The following MYH14 variants were observed in gnomAD, a reference collection of about 807,000 sequenced individuals.
The protein encoded by MYH14 is myosin heavy chain 14, also known as myosin-14.
In MYH14, 123 loss-of-function variants were observed where a neutral mutation model predicts 255.5. That is an observed-to-expected ratio of 0.48 (90% CI 0.42 to 0.56). The LOEUF is 0.56. Among genes scored for constraint, MYH14 ranks in the 20% least tolerant of loss-of-function variants. The probability of loss-of-function intolerance (pLI) is 0.00; values close to 1 mark genes in which losing one functional copy is unlikely to be tolerated. For synonymous variants in MYH14, 1,095 were observed against 1,161.2 expected (o/e 0.94, Z 1.16); for missense variants, 2,423 against 2,802.3 (o/e 0.86, Z 3.06).
At chr19:50,224,971 TG>T in intron 6 of MYH14, 1 of 396,566 alleles carries the variant, frequency 2.5e-6, no homozygotes, top group South Asian at 1.8e-5. Flanking sequence ...CTGGGCATGG[TG>T]GTGCTTGCCT....
At chr19:50,274,530 G>A (rs1251638296) in intron 27 of MYH14, among the ~76,000 whole-genome samples, 3 of 152,134 alleles carry the variant, frequency 2.0e-5, no homozygotes, top group African/African-American at 7.2e-5. Context: ...CCTGACCTCA[G>A]GTGATCCACC....
At chr19:50,285,342 C>T (rs1461343139) in intron 33 of MYH14, 1 of 152,228 alleles carries the variant, frequency 6.6e-6, no homozygotes, top group Non-Finnish European at 1.5e-5. Context: ...TTTGGAAGAA[C>T]TGACATCATA....
In MYH14 at chr19:50,210,375, G is replaced by A. The variant is rs532458856; in HGVS notation, c.10G>A (p.Val4Met). Residue 4 changes from valine (V) to methionine (M), a missense_variant, in exon 2 of 43, where the codon GTG becomes ATG. By Grantham distance (21) the Val-to-Met change is conservative. Transcript: ENST00000642316. MAA[V>M]TMSVPGRKAP... ...TTTGCCCCTGCAGACCATGGCAGCC[G>A]TGACCATGTCGGTGCCCGGGCGGAA... 67 of 1,587,804 alleles carry A rather than the reference G, an allele frequency of 4.2e-5. No homozygotes were observed. The South Asian group carries it at 5.6e-4, about 13-fold the overall frequency.
intron 15 of MYH14, among the ~76,000 whole-genome samples, chr19:50,251,571 T>C (rs112442711): frequency 2.0e-3 from 273 of 137,708 alleles, no homozygotes; most frequent in African/African-American, 4.3e-3. Flanking sequence ...CACACACACA[T>C]ATATATATGT....
intron 1 of MYH14, among the ~76,000 whole-genome samples, chr19:50,207,655 C>T (rs543521684): frequency 6.6e-6 from 1 of 152,278 alleles, no homozygotes; most frequent in East Asian, 1.9e-4. Context: ...GAGTCAGGTT[C>T]CAGAGAAGGA....
At chr19:50,260,822 A>ATT in intron 20 of MYH14, 107 bp downstream of exon 20, 1 of 746,372 alleles carries the variant, frequency 1.3e-6, no homozygotes, top group Non-Finnish European at 2.3e-6. Flanking sequence ...TGTGTGTGCA[A>ATT]GTGTGTGTGC....
At position 50,252,727 on chromosome 19, in the gene MYH14, G is replaced by A. The variant is rs199696801; in HGVS notation, c.1919G>A (p.Arg640Gln). 821 of 1,595,566 alleles carry A rather than the reference G, an allele frequency of 5.1e-4. No individual in the cohort carries two copies. The highest frequency in any genetic ancestry group is 1.2e-3 in the Middle Eastern group (7 of 6,048). The stretch of plus-strand genomic sequence containing the variant: ...GCCTTGCTCCACCAGAGCACAGACC[G>A]GCTGACGGCAGAGATCTGGAAAGAC... ...VAALLHQSTDRLTAEIWKDEH... is the reference protein window; with the variant it reads ...VAALLHQSTDQLTAEIWKDEH... The change falls in exon 16 of 43, where the codon CGG becomes CAG. Residue 640 changes from arginine to glutamine, a missense_variant. Around this residue, in one of 3 missense-constraint regions of MYH14, gnomAD observed 672 missense variants for 881.8 expected, o/e 0.76. Transcript: ENST00000642316. This position sits in a 1 kb window ranked among gnomAD's most constrained non-coding sequence, Gnocchi z 4.2.
At chr19:50,286,414 T>TCCCGTTCC in intron 33 of MYH14, 68 bp from the exon 34 acceptor site, 3 of 1,435,612 alleles carry the variant, frequency 2.1e-6, no homozygotes, top group Non-Finnish European at 2.8e-6. Flanking sequence ...TGCTCCCTCT[T>TCCCGTTCC]CCCGTTCCCT....
In MYH14 at chr19:50,211,780, G is replaced by A. The variant is rs574946877; in HGVS notation, c.405+1010G>A. Among the ~76,000 whole-genome samples the A allele has an allele frequency of 2.2e-4, 33 of 151,538 alleles. No homozygotes were observed. In the East Asian group the frequency reaches 5.8e-3, roughly 27 times the overall value. ...GTGGATTGCTTGAGCCCAGGAGTTCGGGACCATCCTGGGCATGGCAAAACC... is the reference window on the plus strand; with the variant it reads ...GTGGATTGCTTGAGCCCAGGAGTTCAGGACCATCCTGGGCATGGCAAAACC... On this transcript the variant is annotated intron_variant, in intron 2 of 42. Transcript: ENST00000642316.
rs140081739 is a variant in MYH14 at position 50,280,989 on chromosome 19, T to C, written c.4291-605T>C. On this transcript the variant is annotated intron_variant, in intron 32 of 42. Coordinates refer to ENST00000642316, the MANE Select transcript of MYH14 (RefSeq NM_001145809.2). This position sits in a 1 kb window ranked among gnomAD's most constrained non-coding sequence, Gnocchi z 4.8. The stretch of plus-strand genomic sequence containing the variant: ...TGTCCCAACTCCAGTCACCTTGGGC[T>C]GGGACTGTCTCTGCCCATGAGTCTC... Among the ~76,000 whole-genome samples the C allele has an allele frequency of 6.6e-4, 101 of 152,318 alleles. No homozygotes were observed. In the East Asian group the frequency reaches 6.8e-3, roughly 10 times the overall value.
chr19:50,276,863 C>G lies in MYH14; in HGVS notation c.3787C>G (p.Leu1263Val). ...GCTGAGGCAGCGCCACGGCCAGGCC[C>G]TGGGGGAGCTGGCGGAGCAGCTGGA... Reference protein sequence around the residue: ...QELRQRHGQALGELAEQLEQA... With the variant: ...QELRQRHGQAVGELAEQLEQA... Residue 1263 changes from leucine to valine, a missense_variant, in exon 29 of 43, where the codon CTG becomes GTG. Leu to Val is a conservative substitution (Grantham distance 32). This residue lies in a region of MYH14 where 1,513 missense variants were observed against 1,674.8 expected (regional missense o/e 0.90). Transcript: ENST00000642316. The surrounding 1 kb of genome is among the most constrained non-coding windows in gnomAD (Gnocchi z 4.3). The G allele has an allele frequency of 6.8e-7, 1 of 1,464,156 alleles. No individual in the cohort carries two copies. Among genetic ancestry groups the G allele is most frequent in the Non-Finnish European group, 9.2e-7 (1 of 1,092,800 alleles). 90.7% of individuals were successfully genotyped at this position (1,464,156 alleles called of 1,614,324 possible). A position where few individuals can be genotyped will look rare whatever the true frequency, so the allele number is the denominator to read the frequency against.
intron 37 of MYH14, among the ~76,000 whole-genome samples, chr19:50,292,832 G>A (rs796778151): frequency 4.6e-5 from 7 of 151,952 alleles, no homozygotes; most frequent in African/African-American, 1.7e-4. Flanking sequence ...AGAACCCTGA[G>A]CCAGGGCCAA....
At chr19:50,298,399 C>T (rs201479826) in intron 39 of MYH14, among the ~76,000 whole-genome samples, 2 of 74,598 alleles carry the variant, frequency 2.7e-5, no homozygotes, top group Non-Finnish European at 3.4e-5. Flanking sequence ...AACACACACA[C>T]ATACACACAC....
rs921406950 is a variant in MYH14, at chr19:50,290,948, C to T, written c.5027C>T (p.Ala1676Val). ...ERKQRTLAVA[A>V]RKKLEGELEE... ...AAGCAGCGCACTCTGGCCGTGGCTG[C>T]CCGCAAGAAGCTGGAGGGAGAGCTG... Residue 1676 changes from alanine to valine, a missense_variant, in exon 36 of 43, where the codon GCC (alanine) becomes GTC (valine). Around this residue, in one of 3 missense-constraint regions of MYH14, gnomAD observed 1,513 missense variants for 1,674.8 expected, o/e 0.90. Coordinates refer to ENST00000642316, the MANE Select transcript of MYH14 (RefSeq NM_001145809.2). The T allele has an allele frequency of 3.1e-6, 5 of 1,597,750 alleles. No homozygotes were observed. The highest frequency in any genetic ancestry group is 4.3e-6 in the Non-Finnish European group (5 of 1,172,920).
At chr19:50,308,958 G>A in intron 41 of MYH14, 47 bp from the exon 42 acceptor site, 1 of 1,530,928 alleles carries the variant, frequency 6.5e-7, no homozygotes, top group South Asian at 1.3e-5. Context: ...GGGAGGGAGT[G>A]ATGACAGTAC....
Position 50,292,440 on chromosome 19 carries a change from A to G in MYH14, c.5256+51A>G, listed in dbSNP as rs2036111093. The stretch of plus-strand genomic sequence containing the variant: ...GGGACAGGAAGCTGGGAGGTGGGCA[A>G]GGCTAACCTTGAGGTCCCTGGATGT... On this transcript the variant is annotated intron_variant, in intron 37 of 42. Transcript: ENST00000642316. 6.9e-6 allele frequency: 10 copies of G among 1,458,584 alleles called. No homozygotes were observed. The South Asian group carries it at 9.2e-5, about 13-fold the overall frequency. The allele number at this position is 1,458,584 out of a possible 1,614,324, so 90.4% of individuals were successfully genotyped here.
chr19:50,211,393 A>G (rs181266104), intron 2 of MYH14, among the ~76,000 whole-genome samples: 3 of 152,288 alleles, frequency 2.0e-5, no homozygotes, highest in Admixed American at 1.3e-4. Context: ...CTATCTATTA[A>G]TTCATTCAAT....
chr19:50,296,468 G>A (rs1307271392), intron 39 of MYH14, among the ~76,000 whole-genome samples: 1 of 152,080 alleles, frequency 6.6e-6, no homozygotes, highest in Non-Finnish European at 1.5e-5. Context: ...AGCCAGGTGC[G>A]ATGGCGGGCA....
chr19:50,237,100 C>T (rs1035621552), intron 10 of MYH14, among the ~76,000 whole-genome samples: 1 of 152,176 alleles, frequency 6.6e-6, no homozygotes, highest in African/African-American at 2.4e-5. Context: ...CAAGTTTCAT[C>T]CACATTGTAG....
Sources: allele counts gnomAD v4.1 joint callset (sites outside exome capture counted in the v4.1 genomes callset), GRCh38; gene constraint gnomAD v4.1.1; regional missense constraint gnomAD v4.1.1; non-coding constraint Gnocchi (gnomAD v3.1); transcripts MANE v1.5; gene names NCBI Gene and HGNC (gene_info 2026-07-23, HGNC 2026-07-21).